The following GRM2 variants were observed in gnomAD, a reference collection of about 807,000 sequenced individuals.
GRM2 encodes the protein glutamate metabotropic receptor 2.
In GRM2, 35 loss-of-function variants were observed where a neutral mutation model predicts 60.4. That is an observed-to-expected ratio of 0.58 (90% CI 0.44 to 0.77). The LOEUF (loss-of-function observed/expected upper bound fraction) is 0.77. GRM2 is among the 30% of genes least tolerant of loss of function. The pLI, the probability that GRM2 is intolerant of heterozygous loss-of-function variation, is 0.00. For missense variants in GRM2, 925 were observed against 1,199.5 expected (o/e 0.77, Z 3.38); for synonymous variants, 437 against 484.1 (o/e 0.90, Z 1.28).
rs145616522 is a variant in GRM2, at chr3:51,712,748, C to T, written c.726C>T (p.Gly242=). 5.6e-6 allele frequency: 9 copies of T among 1,613,412 alleles called. No homozygotes were observed. The African/African-American group carries it at 8.0e-5, about 14-fold the overall frequency. The change falls in exon 3 of 6, where the codon GGC becomes GGT. Residue 242 remains glycine, a synonymous_variant. Transcript: ENST00000395052. This position sits in a 1 kb window ranked among gnomAD's most constrained non-coding sequence, Gnocchi z 5.3. ...NICVATSEKV[G]RAMSRAAFEG... is the part of the protein sequence containing the mutation. Reference sequence around the variant, plus strand: ...GTGTGGCCACCTCGGAGAAAGTGGGCCGTGCCATGAGCCGCGCGGCCTTTG... The same window carrying T: ...GTGTGGCCACCTCGGAGAAAGTGGGTCGTGCCATGAGCCGCGCGGCCTTTG...
chr3:51,713,213 T>G lies in GRM2; in HGVS notation c.1191T>G (p.Arg397=), dbSNP rs1159115898. 2.5e-6 allele frequency: 4 copies of G among 1,613,156 alleles called. No individual in the cohort carries two copies. Among genetic ancestry groups the G allele is most frequent in the Non-Finnish European group, 3.4e-6 (4 of 1,180,016 alleles). ...AMAHALHNMH[R]ALCPNTTRLC... is the part of the protein sequence containing the mutation. ...CCCATGCGCTCCACAACATGCACCG[T>G]GCCCTCTGCCCCAACACCACCCGGC... The change falls in exon 3 of 6, where the codon CGT becomes CGG. Residue 397 remains arginine (R), a synonymous_variant. Transcript: ENST00000395052. This position sits in a 1 kb window ranked among gnomAD's most constrained non-coding sequence, Gnocchi z 4.8.
At chr3:51,708,618 A>C in intron 1 of GRM2, 1 of 195,392 alleles carries the variant, frequency 5.1e-6, no homozygotes, top group Admixed American at 5.4e-5. Context: ...CCCACTGCTG[A>C]GTTTGGTAGG....
In GRM2 at chr3:51,713,401, CAGT is replaced by C. The variant is rs1703793579; in HGVS notation, c.1288+94_1288+96del. On this transcript the variant is annotated intron_variant, in intron 3 of 5. Transcript: ENST00000395052. This position sits in a 1 kb window ranked among gnomAD's most constrained non-coding sequence, Gnocchi z 4.8. ...AGCTTCCATTCCTTTGCTAAGGAAACAGTAGAGTGAAAGTAAAGGACTCACCTG... is the reference window on the plus strand; with the variant it reads ...AGCTTCCATTCCTTTGCTAAGGAAACAGAGTGAAAGTAAAGGACTCACCTG... 6.4e-6 allele frequency: 6 copies of C among 935,952 alleles called. No homozygotes were observed. The highest frequency in any genetic ancestry group is 8.1e-6 in the Non-Finnish European group (5 of 618,674). 58.0% of individuals were successfully genotyped at this position (935,952 alleles called of 1,614,324 possible).
Position 51,709,043 on chromosome 3 carries a change from C to A in GRM2, c.60C>A (p.Gly20=), listed in dbSNP as rs1279706390. Reference sequence around the variant, plus strand: ...TGCTGTGGGGTGCTGTGGCTGAGGGCCCAGCCAAGAAGGTGCTGACCCTGG... The same window carrying A: ...TGCTGTGGGGTGCTGTGGCTGAGGGACCAGCCAAGAAGGTGCTGACCCTGG... ...LLLLWGAVAE[G]PAKKVLTLEG... The change falls in exon 2 of 6, where the codon GGC becomes GGA. Residue 20 remains glycine, a synonymous_variant. Transcript: ENST00000395052. 4 of 1,601,878 alleles carry A rather than the reference C, an allele frequency of 2.5e-6. No homozygotes were observed. Among genetic ancestry groups the A allele is most frequent in the Non-Finnish European group, 3.4e-6 (4 of 1,170,862 alleles).
At position 51,717,867 on chromosome 3, in the gene GRM2, C is replaced by A; in HGVS notation, c.2545+50C>A. 6.4e-7 allele frequency: 1 copy of A among 1,561,826 alleles called. No homozygotes were observed. The highest frequency in any genetic ancestry group is 1.1e-5 in the South Asian group (1 of 89,386). On this transcript the variant is annotated intron_variant, in intron 5 of 5. Transcript: ENST00000395052. This position sits in a 1 kb window ranked among gnomAD's most constrained non-coding sequence, Gnocchi z 6.0. The stretch of plus-strand genomic sequence containing the variant: ...TGCCTGTTCCCCTCTCCCTGTCCAG[C>A]TCCTTGGGTTGCTGAGATCTCTTGT...
chr3:51,710,377 A>G (rs976266358), intron 2 of GRM2, among the ~76,000 whole-genome samples: 1 of 152,270 alleles, frequency 6.6e-6, no homozygotes, highest in African/African-American at 2.4e-5. Flanking sequence ...CCGGCAAGTC[A>G]TAAGGGCACC....
In GRM2 at chr3:51,717,227, G is replaced by A. The variant is rs995264563; in HGVS notation, c.2365-410G>A. ...CTGGCACACACACATATATCTTCCT[G>A]ACAAATGAATCCATACCCATGCACC... On this transcript the variant is annotated intron_variant, in intron 4 of 5. Coordinates refer to ENST00000395052, the MANE Select transcript of GRM2 (RefSeq NM_000839.5). The surrounding 1 kb of genome is among the most constrained non-coding windows in gnomAD (Gnocchi z 6.0). Among the ~76,000 whole-genome samples, 15 of 151,544 alleles carry A rather than the reference G, an allele frequency of 9.9e-5. No individual in the cohort carries two copies. Among genetic ancestry groups the A allele is most frequent in the Non-Finnish European group, 1.9e-4 (13 of 67,942 alleles).
chr3:51,709,173 G>A lies in GRM2; in HGVS notation c.190G>A (p.Ala64Thr). 1.2e-6 allele frequency: 2 copies of A among 1,612,300 alleles called. No individual in the cohort carries two copies. Among genetic ancestry groups the A allele is most frequent in the Non-Finnish European group, 1.7e-6 (2 of 1,179,622 alleles). The change falls in exon 2 of 6, where the codon GCC becomes ACC. Residue 64 changes from alanine to threonine, a missense_variant. By Grantham distance (58) the Ala-to-Thr change is moderately conservative (BLOSUM62 0). Coordinates refer to ENST00000395052, the MANE Select transcript of GRM2 (RefSeq NM_000839.5). ...GCACCGTGGCATCCAGCGCCTGGAG[G>A]CCATGCTTTTTGCACTGGACCGCAT... ...NEHRGIQRLE[A>T]MLFALDRINR...
At position 51,716,675 on chromosome 3, in the gene GRM2, AAGCCCTCTCTGAGGAGGTGACAGAT is replaced by A. The variant is rs1420078146; in HGVS notation, c.2364+539_2364+563del. ...GCTGCTTCAGATAGGGTGGTCAGGG[AAGCCCTCTCTGAGGAGGTGACAGAT>A]GAGCTATGTTCTGAGTAAGAAGATT... On this transcript the variant is annotated intron_variant, in intron 4 of 5. Transcript: ENST00000395052. This position sits in a 1 kb window ranked among gnomAD's most constrained non-coding sequence, Gnocchi z 4.0. Among the ~76,000 whole-genome samples, 1 of 152,214 alleles carries A rather than the reference AAGCCCTCTCTGAGGAGGTGACAGAT, an allele frequency of 6.6e-6. No homozygotes were observed. The highest frequency in any genetic ancestry group is 2.4e-5 in the African/African-American group (1 of 41,444).
At chr3:51,710,571 A>G (rs1056899639) in intron 2 of GRM2, among the ~76,000 whole-genome samples, 9 of 150,948 alleles carry the variant, frequency 6.0e-5, no homozygotes, top group Non-Finnish European at 1.2e-4. Context: ...GATAGAAGCC[A>G]GGAGTGGCCA....
intron 2 of GRM2, among the ~76,000 whole-genome samples, chr3:51,709,803 C>A (rs187414050): frequency 7.9e-4 from 21 of 26,474 alleles, no homozygotes; most frequent in East Asian, 1.6e-3. Flanking sequence ...CACCCCACAC[C>A]CACCCCCACA....
At position 51,715,811 on chromosome 3, in the gene GRM2, G is replaced by A. The variant is rs751052753; in HGVS notation, c.2038G>A (p.Val680Met). The change falls in exon 4 of 6, where the codon GTG becomes ATG. Residue 680 changes from valine (V) to methionine (M), a missense_variant. Val to Met is a conservative substitution (Grantham distance 21, BLOSUM62 1). Coordinates refer to ENST00000395052, the MANE Select transcript of GRM2 (RefSeq NM_000839.5). The surrounding 1 kb of genome is among the most constrained non-coding windows in gnomAD (Gnocchi z 9.0). ...ACGCTTCATCAGTCCTGCCTCACAG[G>A]TGGCCATCTGCCTGGCACTTATCTC... ...RPRFISPASQ[V>M]AICLALISGQ... is the part of the protein sequence containing the mutation. 4 of 1,613,446 alleles carry A rather than the reference G, an allele frequency of 2.5e-6. No individual in the cohort carries two copies. The African/African-American group carries it at 4.0e-5, about 16-fold the overall frequency.
intron 3 of GRM2, chr3:51,714,194 G>A (rs138017709): frequency 1.2e-4 from 27 of 227,802 alleles, no homozygotes; most frequent in African/African-American, 5.1e-4. Context: ...TCTGGGGTCC[G>A]ATTTGGTTGA....
At position 51,715,446 on chromosome 3, in the gene GRM2, A is replaced by G; in HGVS notation, c.1673A>G (p.Gln558Arg). The change falls in exon 4 of 6, where the codon CAG becomes CGG. Residue 558 changes from glutamine (Q) to arginine (R), a missense_variant. Physicochemically the swap from Gln to Arg is conservative, Grantham distance 43 (BLOSUM62 1). Coordinates refer to ENST00000395052, the MANE Select transcript of GRM2 (RefSeq NM_000839.5). This position sits in a 1 kb window ranked among gnomAD's most constrained non-coding sequence, Gnocchi z 9.0. ...CTGACTGGCTGCTTCGAACTGCCCC[A>G]GGAGTACATCCGCTGGGGCGATGCC... ...ASLTGCFELP[Q>R]EYIRWGDAWA... 2 of 1,612,902 alleles carry G rather than the reference A, an allele frequency of 1.2e-6. No homozygotes were observed. Among genetic ancestry groups the G allele is most frequent in the South Asian group, 1.1e-5 (1 of 91,018 alleles).
chr3:51,715,286 C>G lies in GRM2; in HGVS notation c.1513C>G (p.Leu505Val). The stretch of plus-strand genomic sequence containing the variant: ...CGCCTCTCGCTGCAGTGAGCCCTGC[C>G]TCCAGAATGAGGTGAAGAGTGTGCA... Reference protein sequence around the residue: ...LPASRCSEPCLQNEVKSVQPG... With the variant: ...LPASRCSEPCVQNEVKSVQPG... The change falls in exon 4 of 6, where the codon CTC becomes GTC. Residue 505 changes from leucine to valine, a missense_variant. Physicochemically the swap from Leu to Val is conservative, Grantham distance 32 (BLOSUM62 1). Coordinates refer to ENST00000395052, the MANE Select transcript of GRM2 (RefSeq NM_000839.5). The surrounding 1 kb of genome is among the most constrained non-coding windows in gnomAD (Gnocchi z 9.0). 6.2e-7 allele frequency: 1 copy of G among 1,611,384 alleles called. No homozygotes were observed. Among genetic ancestry groups the G allele is most frequent in the South Asian group, 1.1e-5 (1 of 90,610 alleles).
At chr3:51,709,558 T>A in intron 2 of GRM2, 125 bp downstream of exon 2, 1 of 670,284 alleles carries the variant, frequency 1.5e-6, no homozygotes, top group Non-Finnish European at 2.5e-6. Flanking sequence ...TTCCTTGCAG[T>A]AGCTTTTACA....
rs762669966 is a variant in GRM2 at position 51,715,167 on chromosome 3, G to A, written c.1394G>A (p.Arg465His). Residue 465 changes from arginine (R) to histidine (H), a missense_variant, in exon 4 of 6, where the codon CGC becomes CAC. Transcript: ENST00000395052. The surrounding 1 kb of genome is among the most constrained non-coding windows in gnomAD (Gnocchi z 9.0). ...IFTYLRAGSG[R>H]YRYQKVGYWA... Reference sequence around the variant, plus strand: ...ACCTATCTGCGTGCAGGCAGTGGGCGCTATCGCTACCAGAAGGTGGGCTAC... The same window carrying A: ...ACCTATCTGCGTGCAGGCAGTGGGCACTATCGCTACCAGAAGGTGGGCTAC... 1.2e-5 allele frequency: 20 copies of A among 1,613,754 alleles called. No individual in the cohort carries two copies. The highest frequency in any genetic ancestry group is 8.3e-5 in the Admixed American group (5 of 59,984).
chr3:51,715,882 G>A lies in GRM2; in HGVS notation c.2109G>A (p.Pro703=), dbSNP rs202121975. The A allele has an allele frequency of 5.7e-5, 92 of 1,613,280 alleles. No homozygotes were observed. Among genetic ancestry groups the A allele is most frequent in the Non-Finnish European group, 7.0e-5 (83 of 1,179,912 alleles). ...IVVAWLVVEA[P]GTGKETAPER... ...TCGCCTGGCTGGTGGTGGAGGCACC[G>A]GGCACAGGCAAGGAGACAGCCCCCG... The change falls in exon 4 of 6, where the codon CCG becomes CCA. Residue 703 remains proline (P), a synonymous_variant. Coordinates refer to ENST00000395052, the MANE Select transcript of GRM2 (RefSeq NM_000839.5). The surrounding 1 kb of genome is among the most constrained non-coding windows in gnomAD (Gnocchi z 9.0).
rs777303416 is a variant in GRM2 at position 51,715,535 on chromosome 3, G to A, written c.1762G>A (p.Val588Ile). 1.9e-5 allele frequency: 31 copies of A among 1,613,760 alleles called. No homozygotes were observed. The East Asian group carries it at 6.5e-4, about 34-fold the overall frequency. Residue 588 changes from valine to isoleucine, a missense_variant, in exon 4 of 6, where the codon GTC becomes ATC. By Grantham distance (29) the Val-to-Ile change is conservative (BLOSUM62 3). Transcript: ENST00000395052. The surrounding 1 kb of genome is among the most constrained non-coding windows in gnomAD (Gnocchi z 9.0). ...GALATLFVLG[V>I]FVRHNATPVV... is the part of the protein sequence containing the mutation. ...CCTGGCCACCCTCTTTGTGCTGGGT[G>A]TCTTTGTGCGGCACAATGCCACACC... is the stretch of plus-strand genomic sequence containing the variant.
Sources: allele counts gnomAD v4.1 joint callset (sites outside exome capture counted in the v4.1 genomes callset), GRCh38; gene constraint gnomAD v4.1.1; non-coding constraint Gnocchi (gnomAD v3.1); transcripts MANE v1.5; gene names NCBI Gene and HGNC (gene_info 2026-07-23, HGNC 2026-07-21).